The following FTCD variants were observed in gnomAD, a reference collection of about 807,000 sequenced individuals.
FTCD encodes formimidoyltransferase-cyclodeaminase.
In FTCD, 76 loss-of-function variants were observed where a neutral mutation model predicts 62.9. That is an observed-to-expected ratio of 1.21 (90% CI 1.00 to 1.46). The LOEUF is 1.46. FTCD is among the 40% of genes most tolerant of loss of function. The probability of loss-of-function intolerance (pLI) is 0.00; values close to 1 mark genes in which losing one functional copy is unlikely to be tolerated. For missense variants in FTCD, 845 were observed against 751.3 expected (o/e 1.12, Z -1.46); for synonymous variants, 397 against 336.9 (o/e 1.18, Z -1.95).
chr21:46,140,224 A>ACATTGTT (rs2078965549), intron 10 of FTCD, among the ~76,000 whole-genome samples: 1 of 142,364 alleles, frequency 7.0e-6, no homozygotes, highest in African/African-American at 2.7e-5. Flanking sequence ...GTCCACCTTC[A>ACATTGTT]CGTGCCTCAC....
chr21:46,138,858 G>T, intron 11 of FTCD, 22 bp downstream of exon 11: 1 of 1,601,490 alleles, frequency 6.2e-7, no homozygotes, highest in Non-Finnish European at 8.6e-7. Flanking sequence ...GGCCCACGGT[G>T]CGGCCGGCCC....
At chr21:46,137,355 C>T in intron 12 of FTCD, 21 bp from the exon 13 acceptor site, 1 of 1,580,960 alleles carries the variant, frequency 6.3e-7, no homozygotes, top group Non-Finnish European at 8.7e-7. Context: ...CCCAGGGAGC[C>T]CCTACATGGA....
At chr21:46,147,153 T>A (rs2123539660) in intron 7 of FTCD, among the ~76,000 whole-genome samples, 1 of 151,854 alleles carries the variant, frequency 6.6e-6, no homozygotes, top group South Asian at 2.1e-4. Context: ...GTGGGGGAGG[T>A]CTGGGGCCTT....
intron 12 of FTCD, among the ~76,000 whole-genome samples, chr21:46,138,105 G>A (rs1568958767): frequency 6.6e-6 from 1 of 152,058 alleles, no homozygotes; most frequent in Non-Finnish European, 1.5e-5. Flanking sequence ...TGCCCAGGCT[G>A]GTCTCGACCT....
At chr21:46,153,121 C>A (rs530748685) in intron 2 of FTCD, 86 bp from the exon 3 acceptor site, 2 of 1,386,502 alleles carry the variant, frequency 1.4e-6, no homozygotes, top group East Asian at 2.5e-5. Flanking sequence ...TCTGTCCTCT[C>A]CGGCCTGGGC....
chr21:46,151,759 G>T, intron 4 of FTCD, 22 bp from the exon 5 acceptor site: 1 of 1,612,086 alleles, frequency 6.2e-7, no homozygotes. Flanking sequence ...TTCGCTCTGG[G>T]GTGAGACATC....
At chr21:46,141,766 T>C (rs547117592) in intron 10 of FTCD, among the ~76,000 whole-genome samples, 24 of 149,464 alleles carry the variant, frequency 1.6e-4, no homozygotes, top group Non-Finnish European at 2.5e-4. Flanking sequence ...GAAACTAAGA[T>C]AAAAGGAGTC....
intron 10 of FTCD, among the ~76,000 whole-genome samples, chr21:46,139,260 T>C (rs1170966529): frequency 6.6e-6 from 1 of 152,138 alleles, no homozygotes; most frequent in East Asian, 1.9e-4. Context: ...GCTCTGGGCC[T>C]GTGTCTCCAA....
chr21:46,136,965 C>A lies in FTCD; in HGVS notation c.*22G>T, dbSNP rs776027234. ...GATGGGCGAGGGAGGGGCCACAGAG[C>A]CCGGAGAGGCCTCCCGCACCGTCAC... is the stretch of plus-strand genomic sequence containing the variant. On this transcript the variant is annotated 3_prime_UTR_variant, in exon 14 of 14. Transcript: ENST00000397746. 6.2e-7 allele frequency: 1 copy of A among 1,612,856 alleles called. No individual in the cohort carries two copies. The highest frequency in any genetic ancestry group is 1.1e-5 in the South Asian group (1 of 91,060).
intron 12 of FTCD, 61 bp from the exon 13 acceptor site, chr21:46,137,395 G>GTC (rs2078895198): frequency 1.6e-6 from 2 of 1,266,066 alleles, no homozygotes; most frequent in Non-Finnish European, 2.3e-6. Context: ...CGGAAGGAGG[G>GTC]TCTCTGCCTG....
chr21:46,137,245 C>G lies in FTCD; in HGVS notation c.1533G>C (p.Lys511Asn). The change falls in exon 13 of 14, where the codon AAG becomes AAC. Residue 511 changes from lysine to asparagine, a missense_variant. By Grantham distance (94) the Lys-to-Asn change is moderately conservative (BLOSUM62 0). Transcript: ENST00000397746. The part of the protein sequence containing the change: ...NLRDITDEAF[K>N]DQIHHRVSSL... ...ACACCTGCCTCCTGCTCACCTGGTC[C>G]TTAAATGCCTCGTCTGTGATGTCCC... 6.2e-7 allele frequency: 1 copy of G among 1,611,996 alleles called. No homozygotes were observed. The highest frequency in any genetic ancestry group is 8.5e-7 in the Non-Finnish European group (1 of 1,178,220).
intron 7 of FTCD, among the ~76,000 whole-genome samples, chr21:46,148,848 GGGA>G (rs1337317932): frequency 6.6e-6 from 1 of 152,156 alleles, no homozygotes; most frequent in Non-Finnish European, 1.5e-5. Context: ...TCGCTATGAT[GGGA>G]ATCACTGGGA....
In FTCD at chr21:46,151,748, G is replaced by C. The variant is rs1422618145; in HGVS notation, c.457-11C>G. On this transcript the variant is annotated splice_polypyrimidine_tract_variant and intron_variant, in intron 4 of 13. Coordinates refer to ENST00000397746, the MANE Select transcript of FTCD (RefSeq NM_206965.2). Reference sequence around the variant, plus strand: ...GTCGGCCTGCTGGAGCTGTGAGCAAGTTCGCTCTGGGGTGAGACATCCCCC... The same window carrying C: ...GTCGGCCTGCTGGAGCTGTGAGCAACTTCGCTCTGGGGTGAGACATCCCCC... 1 of 1,612,406 alleles carries C rather than the reference G, an allele frequency of 6.2e-7. No homozygotes were observed. The highest frequency in any genetic ancestry group is 2.2e-5 in the East Asian group (1 of 44,888).
intron 10 of FTCD, chr21:46,142,420 T>TCA (rs2079036191): frequency 8.9e-6 from 1 of 111,938 alleles, no homozygotes; most frequent in African/African-American, 4.4e-5. Context: ...ACAGTGAGCG[T>TCA]TAAGCTCTTA....
intron 10 of FTCD, among the ~76,000 whole-genome samples, chr21:46,141,394 A>C (rs187463742): frequency 1.3e-5 from 2 of 151,260 alleles, no homozygotes; most frequent in East Asian, 3.9e-4. Context: ...GGATTTGCCC[A>C]CCTTGGTTTT....
chr21:46,154,827 C>T (rs2079391621), intron 1 of FTCD, among the ~76,000 whole-genome samples: 1 of 152,364 alleles, frequency 6.6e-6, no homozygotes, highest in South Asian at 2.1e-4. Flanking sequence ...TGGCTGGAAT[C>T]CCGGCATGAC....
At chr21:46,149,993 A>T in intron 7 of FTCD, 126 bp downstream of exon 7, 1 of 938,700 alleles carries the variant, frequency 1.1e-6, no homozygotes, top group East Asian at 2.6e-5. Flanking sequence ...TCTTCTGAAC[A>T]CAAGTCAATA....
intron 10 of FTCD, among the ~76,000 whole-genome samples, chr21:46,141,889 T>C (rs902956883): frequency 1.3e-5 from 2 of 152,196 alleles, no homozygotes; most frequent in African/African-American, 4.8e-5. Flanking sequence ...AGCAGGGTTC[T>C]GCAAGCAGGT....
chr21:46,136,448 G>A, downstream of FTCD: 1 of 1,612,642 alleles, frequency 6.2e-7, no homozygotes, highest in African/African-American at 1.3e-5. Flanking sequence ...CACCTGGGAA[G>A]CGAGGCTATC....
Sources: allele counts gnomAD v4.1 joint callset (sites outside exome capture counted in the v4.1 genomes callset), GRCh38; gene constraint gnomAD v4.1.1; transcripts MANE v1.5; gene names NCBI Gene and HGNC (gene_info 2026-07-23, HGNC 2026-07-21).